Variants in GPM6A observed in about 807,000 individuals in gnomAD.
GPM6A encodes the protein neuronal membrane glycoprotein M6-a.
A neutral mutation model predicts 32.1 loss-of-function variants in GPM6A; 7 were observed. The observed-to-expected ratio is 0.22, with a 90% CI of 0.12 to 0.41. The LOEUF is 0.41. Ranked by LOEUF, GPM6A falls within the 10% of genes least tolerant of loss-of-function variation. GPM6A has a pLI of 1.00. For synonymous variants in GPM6A, 130 were observed against 123.4 expected (o/e 1.05, Z -0.35); for missense variants, 235 against 347.2 (o/e 0.68, Z 2.57).
chr4:175,873,506 T>C (rs1262969430), intron 1 of GPM6A, among the ~76,000 whole-genome samples: 1 of 152,088 alleles, frequency 6.6e-6, no homozygotes, highest in African/African-American at 2.4e-5. Flanking sequence ...GAAATATATT[T>C]TGATAAAAAA....
At chr4:175,929,901 A>G (rs113210406) in intron 1 of GPM6A, among the ~76,000 whole-genome samples, 1 of 152,172 alleles carries the variant, frequency 6.6e-6, no homozygotes, top group Non-Finnish European at 1.5e-5. Flanking sequence ...ATGATCTCTC[A>G]GATACATCAC....
rs1353070188 is a variant in GPM6A at position 175,728,030 on chromosome 4, C to T, written c.38-26263G>A. Among the ~76,000 whole-genome samples the T allele has an allele frequency of 3.3e-5, 5 of 151,140 alleles. No individual in the cohort carries two copies. The East Asian group carries it at 5.8e-4, about 18-fold the overall frequency. ...AAAAAAAAAAAAAAAAAAAACTTAC[C>T]GGTTTTTCTAGAAAATATCCTTAAC... is the stretch of plus-strand genomic sequence containing the variant. On this transcript the variant is annotated intron_variant, in intron 1 of 6. Coordinates refer to ENST00000393658, the MANE Select transcript of GPM6A (RefSeq NM_201591.3).
At position 175,765,835 on chromosome 4, in the gene GPM6A, G is replaced by A. The variant is rs553540659; in HGVS notation, c.37+46356C>T. On this transcript the variant is annotated intron_variant, in intron 1 of 6. Transcript: ENST00000393658. ...AAATCAACCTTTTTCACATCTTATC[G>A]GCACCACACTGTTCTAGAACCTTCT... 2.0e-5 allele frequency among the ~76,000 whole-genome samples: 3 copies of A among 151,898 alleles called. No individual in the cohort carries two copies. The South Asian group carries it at 6.3e-4, about 32-fold the overall frequency.
At chr4:175,685,858 T>G (rs578074449) in intron 2 of GPM6A, among the ~76,000 whole-genome samples, 1 of 152,166 alleles carries the variant, frequency 6.6e-6, no homozygotes, top group Non-Finnish European at 1.5e-5. Flanking sequence ...AAAAGCTTAT[T>G]GGCAAGCAGC....
chr4:175,905,654 C>T lies in GPM6A; in HGVS notation c.-22-93405G>A, dbSNP rs569033036. 8.5e-4 allele frequency among the ~76,000 whole-genome samples: 129 copies of T among 152,182 alleles called. 1 individual carries two copies. Among genetic ancestry groups the T allele is most frequent in the Middle Eastern group, 6.8e-3 (2 of 294 alleles). On this transcript the variant is annotated intron_variant, in intron 1 of 7. Transcript: ENST00000280187. ...ATGTTTACTGTTTCTCAGTTGCCTT[C>T]GGCTCAAAATAATCCTTATGCCAAA...
chr4:175,781,532 G>T (rs995784078), intron 1 of GPM6A, among the ~76,000 whole-genome samples: 2 of 152,124 alleles, frequency 1.3e-5, no homozygotes, highest in Non-Finnish European at 2.9e-5. Context: ...ACAGTTCTCT[G>T]ATACTTTTGC....
At chr4:175,864,551 CT>C (rs1347163410) in intron 1 of GPM6A, among the ~76,000 whole-genome samples, 2 of 152,118 alleles carry the variant, frequency 1.3e-5, no homozygotes, top group Admixed American at 6.5e-5. Flanking sequence ...CTGGATACAA[CT>C]TTTTTAATAA....
intron 1 of GPM6A, among the ~76,000 whole-genome samples, chr4:175,728,931 G>T (rs1731291472): frequency 6.6e-6 from 1 of 152,150 alleles, no homozygotes; most frequent in Non-Finnish European, 1.5e-5. Context: ...AAATATCTGA[G>T]CTTCTCTCTT....
chr4:175,838,744 T>A (rs1483396787), intron 1 of GPM6A, among the ~76,000 whole-genome samples: 2 of 144,302 alleles, frequency 1.4e-5, no homozygotes, highest in Non-Finnish European at 3.0e-5. Flanking sequence ...AACCTTTACC[T>A]CCTGATTCAG....
chr4:175,933,550 G>A (rs1237234465), intron 1 of GPM6A, among the ~76,000 whole-genome samples: 1 of 142,994 alleles, frequency 7.0e-6, no homozygotes, highest in Non-Finnish European at 1.5e-5. Context: ...TACACGTAAT[G>A]TTCTTAGAAG....
chr4:175,660,986 G>A (rs968454123), intron 3 of GPM6A, among the ~76,000 whole-genome samples: 2 of 151,990 alleles, frequency 1.3e-5, no homozygotes, highest in Non-Finnish European at 2.9e-5. Context: ...ATTTGGCTAA[G>A]TAACCAAAAA....
At chr4:175,987,930 C>G (rs1283026307) in intron 1 of GPM6A, among the ~76,000 whole-genome samples, 1 of 151,896 alleles carries the variant, frequency 6.6e-6, no homozygotes, top group Non-Finnish European at 1.5e-5. Flanking sequence ...CTTTATAATT[C>G]CATAACACCA....
chr4:175,711,324 A>G lies in GPM6A; in HGVS notation c.38-9557T>C, dbSNP rs114444464. Among the ~76,000 whole-genome samples, 1,071 of 149,278 alleles carry G rather than the reference A, an allele frequency of 7.2e-3. 14 individuals are homozygous for G. The highest frequency in any genetic ancestry group is 0.025 in the African/African-American group (1,022 of 40,498). On this transcript the variant is annotated intron_variant, in intron 1 of 6. Coordinates refer to ENST00000393658, the MANE Select transcript of GPM6A (RefSeq NM_201591.3). ...TCCAACTTGGAAGACAGAAACAGAA[A>G]TAAATAAGCAAAAAAGAAATTCCAA...
chr4:175,636,543 C>A (rs1171033284), intron 6 of GPM6A, among the ~76,000 whole-genome samples: 2 of 150,402 alleles, frequency 1.3e-5, no homozygotes, highest in African/African-American at 4.9e-5. Context: ...CGCCTGTAAT[C>A]CCAGCACTTT....
At chr4:175,654,657 T>A (rs1453200871) in intron 3 of GPM6A, among the ~76,000 whole-genome samples, 3 of 152,104 alleles carry the variant, frequency 2.0e-5, no homozygotes, top group Admixed American at 2.0e-4. Context: ...ATGAGCTCTC[T>A]CTCTAGAAGA....
intron 1 of GPM6A, among the ~76,000 whole-genome samples, chr4:175,869,111 C>T (rs1257376769): frequency 1.3e-5 from 2 of 152,130 alleles, no homozygotes. Context: ...CTAACAAAAT[C>T]ACAAACAATT....
intron 1 of GPM6A, among the ~76,000 whole-genome samples, chr4:175,939,659 T>C (rs1739344260): frequency 6.6e-6 from 1 of 152,080 alleles, no homozygotes; most frequent in Non-Finnish European, 1.5e-5. Context: ...GCCTACCAGA[T>C]GGAAAAAGTC....
At chr4:175,885,720 A>G (rs920611946) in intron 1 of GPM6A, among the ~76,000 whole-genome samples, 2 of 152,226 alleles carry the variant, frequency 1.3e-5, no homozygotes, top group African/African-American at 4.8e-5. Context: ...AGACATTTGC[A>G]TCACCATGTT....
chr4:175,714,327 A>T (rs531453108), intron 1 of GPM6A, among the ~76,000 whole-genome samples: 2 of 152,284 alleles, frequency 1.3e-5, no homozygotes, highest in East Asian at 1.9e-4. Flanking sequence ...ATCAACAAGA[A>T]TTTTTTTAAC....
Sources: gnomAD v4.1 joint callset for allele counts (sites outside exome capture counted in the v4.1 genomes callset) on GRCh38, gnomAD v4.1.1 for gene constraint, MANE v1.5 for transcripts, NCBI Gene and HGNC (gene_info 2026-07-23, HGNC 2026-07-21) for gene names.